ABHD17B: variants seen among roughly 807,000 people sequenced by gnomAD.
The protein encoded by ABHD17B is abhydrolase domain containing 17B, depalmitoylase, also known as alpha/beta hydrolase domain-containing protein 17B.
A neutral mutation model predicts 26.2 loss-of-function variants in ABHD17B; 9 were observed. That is an observed-to-expected ratio of 0.34 (90% CI 0.21 to 0.60). The LOEUF (loss-of-function observed/expected upper bound fraction) is 0.60. ABHD17B is among the 20% of genes least tolerant of loss of function. The pLI, the probability that ABHD17B is intolerant of heterozygous loss-of-function variation, is 0.80. For missense variants in ABHD17B, 224 were observed against 352.1 expected (o/e 0.64, Z 2.91); for synonymous variants, 127 against 122.3 (o/e 1.04, Z -0.25).
intron 1 of ABHD17B, among the ~76,000 whole-genome samples, chr9:71,877,521 G>A (rs1302173703): frequency 6.6e-6 from 1 of 152,176 alleles, no homozygotes; most frequent in Admixed American, 6.5e-5. Context: ...ACATTCAAGT[G>A]ATTCTCCTGC....
chr9:71,883,936 C>CA (rs111929106), intron 1 of ABHD17B, among the ~76,000 whole-genome samples: 1,322 of 130,136 alleles, frequency 0.01, 17 homozygotes, highest in African/African-American at 0.034. Context: ...GACTCTGTCT[C>CA]AAAAAAAAAA....
chr9:71,883,680 T>G (rs553363067), intron 1 of ABHD17B, among the ~76,000 whole-genome samples: 1 of 152,342 alleles, frequency 6.6e-6, no homozygotes, highest in Non-Finnish European at 1.5e-5. Context: ...CTCACGCCTG[T>G]AATCCTAGCA....
In ABHD17B at chr9:71,904,143, C is replaced by T. The variant is rs181211762; in HGVS notation, c.-4+6491G>A. Among the ~76,000 whole-genome samples, 262 of 152,258 alleles carry T rather than the reference C, an allele frequency of 1.7e-3. 2 individuals carry two copies. Among genetic ancestry groups the T allele is most frequent in the African/African-American group, 6.0e-3 (248 of 41,548 alleles). On this transcript the variant is annotated intron_variant, in intron 1 of 3. Transcript: ENST00000333421. ...AACTAACTCCTTTGGTCCACCTTAC[C>T]CCTCTCTATGTTTTCTTTTATTCCA...
At chr9:71,906,570 T>C (rs529446219) in intron 1 of ABHD17B, among the ~76,000 whole-genome samples, 172 of 152,220 alleles carry the variant, frequency 1.1e-3, no homozygotes, top group African/African-American at 3.9e-3. Context: ...AATGTCCCAG[T>C]GCTTTGGGAT....
At chr9:71,891,217 T>G (rs1367275005) in intron 1 of ABHD17B, among the ~76,000 whole-genome samples, 1 of 152,236 alleles carries the variant, frequency 6.6e-6, no homozygotes, top group Admixed American at 6.5e-5. Context: ...TCTGATTTTT[T>G]AAAAGTGATT....
At chr9:71,886,860 C>T (rs988356688) in intron 1 of ABHD17B, among the ~76,000 whole-genome samples, 7 of 151,562 alleles carry the variant, frequency 4.6e-5, no homozygotes, top group African/African-American at 1.2e-4. Context: ...TTTTTAAACT[C>T]GGAGAAAAAA....
intron 1 of ABHD17B, among the ~76,000 whole-genome samples, chr9:71,901,156 T>C (rs1827126793): frequency 1.3e-5 from 2 of 151,314 alleles, no homozygotes; most frequent in Admixed American, 6.6e-5. Flanking sequence ...TGTCTCAAAA[T>C]AAATAAATAA....
intron 1 of ABHD17B, among the ~76,000 whole-genome samples, chr9:71,890,871 G>C (rs1395780959): frequency 6.6e-6 from 1 of 152,140 alleles, no homozygotes; most frequent in South Asian, 2.1e-4. Flanking sequence ...AGTGATTTCT[G>C]TTTTAATTTG....
intron 2 of ABHD17B, among the ~76,000 whole-genome samples, chr9:71,872,653 A>G (rs1233239719): frequency 6.6e-6 from 1 of 152,136 alleles, no homozygotes; most frequent in Non-Finnish European, 1.5e-5. Flanking sequence ...CACTCAATAA[A>G]GCTATTTTTT....
At chr9:71,903,382 C>T (rs762423653) in intron 1 of ABHD17B, among the ~76,000 whole-genome samples, 24 of 151,966 alleles carry the variant, frequency 1.6e-4, no homozygotes, top group Non-Finnish European at 3.4e-4. Context: ...TGCTTTTATA[C>T]TTTAAAGAGA....
Position 71,889,339 on chromosome 9 carries a change from C to T in ABHD17B, c.-3-14256G>A, listed in dbSNP as rs997391644. 9.4e-4 allele frequency among the ~76,000 whole-genome samples: 142 copies of T among 151,698 alleles called. 1 individual carries two copies. The highest frequency in any genetic ancestry group is 2.7e-3 in the African/African-American group (112 of 41,418). The stretch of plus-strand genomic sequence containing the variant: ...CTAAAGAAAAAAAAAAAAATCAAAC[C>T]GCATGTTACACTATTTTTTAAAAGT... On this transcript the variant is annotated intron_variant, in intron 1 of 3. Transcript: ENST00000333421.
At chr9:71,877,329 C>A (rs1488432140) in intron 1 of ABHD17B, among the ~76,000 whole-genome samples, 3 of 152,250 alleles carry the variant, frequency 2.0e-5, no homozygotes, top group South Asian at 4.1e-4. Context: ...CCATTGACTG[C>A]TGAGCCACAA....
rs2132118675 is a variant in ABHD17B at position 71,866,670 on chromosome 9, T to TAC, written c.*115_*116dup. 2 of 1,479,540 alleles carry TAC rather than the reference T, an allele frequency of 1.4e-6. No homozygotes were observed. Among genetic ancestry groups the TAC allele is most frequent in the Non-Finnish European group, 1.8e-6 (2 of 1,118,664 alleles). 91.7% of individuals were successfully genotyped at this position (1,479,540 alleles called of 1,614,324 possible). On this transcript the variant is annotated 3_prime_UTR_variant, in exon 4 of 4. Transcript: ENST00000333421. ...AAGTCTGTTAACAAATCATTACCTGTACATTTATGAAGGCAACTGACATGA... is the reference window on the plus strand; with the variant it reads ...AAGTCTGTTAACAAATCATTACCTGTACACATTTATGAAGGCAACTGACATGA...
chr9:71,903,727 T>C (rs529850739), intron 1 of ABHD17B, among the ~76,000 whole-genome samples: 5 of 152,366 alleles, frequency 3.3e-5, no homozygotes, highest in Middle Eastern at 3.4e-3. Context: ...CTGCACTGAC[T>C]GGTTCTTTCC....
rs1368398976 is a variant in ABHD17B at position 71,870,213 on chromosome 9, T to G, written c.517A>C (p.Thr173Pro). 1 of 1,611,242 alleles carries G rather than the reference T, an allele frequency of 6.2e-7. No homozygotes were observed. The highest frequency in any genetic ancestry group is 8.5e-7 in the Non-Finnish European group (1 of 1,179,124). ...NVIIYGQSIG[T>P]VPSVDLAARY... Reference sequence around the variant, plus strand: ...GCAGCAAGATCCACAGACGGTACTGTCCCTATACTTTGGCCATATATAATC... The same window carrying G: ...GCAGCAAGATCCACAGACGGTACTGGCCCTATACTTTGGCCATATATAATC... Residue 173 changes from threonine (T) to proline (P), a missense_variant, in exon 3 of 4, where the codon ACA becomes CCA. Thr to Pro is a conservative substitution (Grantham distance 38, BLOSUM62 -1). Coordinates refer to ENST00000333421, the MANE Select transcript of ABHD17B (RefSeq NM_001025780.3).
chr9:71,906,002 T>C (rs1187939519), intron 1 of ABHD17B, among the ~76,000 whole-genome samples: 1 of 152,102 alleles, frequency 6.6e-6, no homozygotes, highest in African/African-American at 2.4e-5. Context: ...TGGGCAGTGA[T>C]CATGCTACTA....
At chr9:71,876,421 T>C (rs963801209) in intron 1 of ABHD17B, among the ~76,000 whole-genome samples, 4 of 152,280 alleles carry the variant, frequency 2.6e-5, no homozygotes, top group South Asian at 2.1e-4. Context: ...GGCCATATCA[T>C]TGTCACACTT....
intron 1 of ABHD17B, among the ~76,000 whole-genome samples, chr9:71,884,355 G>GGCCT (rs938977837): frequency 1.1e-4 from 16 of 152,054 alleles, no homozygotes; most frequent in Admixed American, 9.2e-4. Context: ...TTTGTGTCAG[G>GGCCT]GCCTGAGATG....
intron 1 of ABHD17B, among the ~76,000 whole-genome samples, chr9:71,897,254 T>C (rs1021728161): frequency 6.6e-6 from 1 of 152,254 alleles, no homozygotes; most frequent in African/African-American, 2.4e-5. Flanking sequence ...AAAGTCATTC[T>C]GCAGGCCACG....
Sources: allele counts gnomAD v4.1 joint callset (sites outside exome capture counted in the v4.1 genomes callset), GRCh38; gene constraint gnomAD v4.1.1; transcripts MANE v1.5; gene names NCBI Gene and HGNC (gene_info 2026-07-23, HGNC 2026-07-21).